Variants in DAB1 observed in about 807,000 individuals in gnomAD.
DAB1 encodes the protein DAB adaptor protein 1, also known as disabled homolog 1.
A neutral mutation model predicts 64.6 loss-of-function variants in DAB1; 15 were observed. The observed-to-expected ratio is 0.23, with a 90% CI of 0.16 to 0.36. The LOEUF (loss-of-function observed/expected upper bound fraction) is 0.36. Ranked by LOEUF, DAB1 falls within the 10% of genes least tolerant of loss-of-function variation. DAB1 has a pLI of 1.00. For missense variants in DAB1, 596 were observed against 706.7 expected (o/e 0.84, Z 1.78); for synonymous variants, 235 against 251.9 (o/e 0.93, Z 0.64).
chr1:58,384,193 AT>A (rs1644413778), intron 3 of DAB1, among the ~76,000 whole-genome samples: 1 of 152,136 alleles, frequency 6.6e-6, no homozygotes, highest in Non-Finnish European at 1.5e-5. Flanking sequence ...ACAATGGAAC[AT>A]TATTCAGCCT....
intron 4 of DAB1, among the ~76,000 whole-genome samples, chr1:58,313,442 G>C (rs1006517110): frequency 2.0e-5 from 3 of 152,092 alleles, no homozygotes; most frequent in Non-Finnish European, 4.4e-5. Context: ...AGGGATGGCA[G>C]AGAACCAATC....
At position 58,379,135 on chromosome 1, in the gene DAB1, G is replaced by A. The variant is rs544157290; in HGVS notation, n.258-35732C>T. Among the ~76,000 whole-genome samples the A allele has an allele frequency of 3.1e-3, 464 of 150,550 alleles. 1 individual carries two copies. Among genetic ancestry groups the A allele is most frequent in the African/African-American group, 0.011 (438 of 40,898 alleles). ...TCAGATGGAAATGCAGAAATCACCCGTCTTCTGCGTCGCTCACGCTGGGAG... is the reference window on the plus strand; with the variant it reads ...TCAGATGGAAATGCAGAAATCACCCATCTTCTGCGTCGCTCACGCTGGGAG... On this transcript the variant is annotated intron_variant and non_coding_transcript_variant, in intron 3 of 20. Transcript: ENST00000485760.
intron 5 of DAB1, among the ~76,000 whole-genome samples, chr1:58,128,593 T>C (rs1474240229): frequency 7.7e-6 from 1 of 130,342 alleles, no homozygotes; most frequent in African/African-American, 3.0e-5. Flanking sequence ...GGCTGTGGGT[T>C]TGTCATAGAT....
intron 4 of DAB1, among the ~76,000 whole-genome samples, chr1:57,098,021 C>A (rs1411891752): frequency 6.6e-6 from 1 of 152,136 alleles, no homozygotes; most frequent in African/African-American, 2.4e-5. Context: ...TTGTGATCTG[C>A]CCGCCTCAGC....
At chr1:58,535,245 A>G (rs1646497515) in intron 1 of DAB1, among the ~76,000 whole-genome samples, 1 of 152,184 alleles carries the variant, frequency 6.6e-6, no homozygotes, top group South Asian at 2.1e-4. Flanking sequence ...GTGTACTGAG[A>G]AAATTAAAAA....
intron 6 of DAB1, among the ~76,000 whole-genome samples, chr1:57,815,815 A>G (rs1651831671): frequency 6.6e-6 from 1 of 152,192 alleles, no homozygotes; most frequent in African/African-American, 2.4e-5. Context: ...ATATGTACAT[A>G]TCTCTAATTT....
At chr1:58,407,002 A>G (rs1320684398) in intron 3 of DAB1, among the ~76,000 whole-genome samples, 1 of 152,176 alleles carries the variant, frequency 6.6e-6, no homozygotes, top group African/African-American at 2.4e-5. Flanking sequence ...CATTGCCAGT[A>G]GCAGAGAAAT....
intron 7 of DAB1, among the ~76,000 whole-genome samples, chr1:57,487,437 G>T (rs1030170411): frequency 6.6e-6 from 1 of 152,200 alleles, no homozygotes; most frequent in Admixed American, 6.5e-5. Flanking sequence ...ACCACGTGTG[G>T]CCCTGCTCTT....
intron 5 of DAB1, among the ~76,000 whole-genome samples, chr1:57,969,354 A>T (rs77227400): frequency 0.013 from 2,020 of 152,136 alleles, 52 homozygotes; most frequent in African/African-American, 0.046. Flanking sequence ...TTATATATAT[A>T]TTTTTTGAGA....
At chr1:57,977,326 A>ATCCAGATC (rs1338195190) in intron 5 of DAB1, among the ~76,000 whole-genome samples, 1 of 152,182 alleles carries the variant, frequency 6.6e-6, no homozygotes, top group Non-Finnish European at 1.5e-5. Flanking sequence ...AAACAGAGAT[A>ATCCAGATC]TCCAGATCAC....
rs532624203 is a variant in DAB1 at position 57,157,404 on chromosome 1, G to A, written c.68-11975C>T. On this transcript the variant is annotated intron_variant, in intron 2 of 14. Coordinates refer to ENST00000371236, the MANE Select transcript of DAB1 (RefSeq NM_001365792.1). ...CCACTATAATAAAATACCATAGACT[G>A]CATGGCTTAAACAACAGACATTTAT... Among the ~76,000 whole-genome samples, 3 of 152,268 alleles carry A rather than the reference G, an allele frequency of 2.0e-5. No homozygotes were observed. In the East Asian group the frequency reaches 5.8e-4, roughly 29 times the overall value.
At chr1:57,206,611 G>A (rs1456416548) in intron 2 of DAB1, among the ~76,000 whole-genome samples, 2 of 152,084 alleles carry the variant, frequency 1.3e-5, no homozygotes, top group African/African-American at 4.8e-5. Flanking sequence ...TTCTCTCTTT[G>A]CTCAAAAACG....
intron 5 of DAB1, among the ~76,000 whole-genome samples, chr1:58,149,792 G>A (rs1019093845): frequency 6.6e-6 from 1 of 152,064 alleles, no homozygotes; most frequent in Non-Finnish European, 1.5e-5. Flanking sequence ...TATTTTTGCA[G>A]CCTTTCACTG....
intron 3 of DAB1, among the ~76,000 whole-genome samples, chr1:58,498,410 C>CTCT (rs1645841440): frequency 6.6e-6 from 1 of 152,014 alleles, no homozygotes; most frequent in African/African-American, 2.4e-5. Context: ...TTACTACCAC[C>CTCT]TCTATTTCCA....
chr1:57,849,610 C>T (rs1653432783), intron 1 of DAB1, among the ~76,000 whole-genome samples: 2 of 152,182 alleles, frequency 1.3e-5, no homozygotes, highest in Non-Finnish European at 2.9e-5. Flanking sequence ...TCTCTAGGGA[C>T]AGGGCTTGAG....
intron 2 of DAB1, among the ~76,000 whole-genome samples, chr1:57,281,235 T>C (rs1351112066): frequency 3.3e-5 from 5 of 152,090 alleles, no homozygotes; most frequent in Non-Finnish European, 5.9e-5. Context: ...CTTATTTAAA[T>C]AATGGAGAAA....
rs533106405 is a variant in DAB1, at chr1:57,206,359, T to C, written c.68-60930A>G. Among the ~76,000 whole-genome samples the C allele has an allele frequency of 3.3e-5, 5 of 152,298 alleles. No individual in the cohort carries two copies. In the South Asian group the frequency reaches 1.0e-3, roughly 32 times the overall value. On this transcript the variant is annotated intron_variant, in intron 2 of 14. Coordinates refer to ENST00000371236, the MANE Select transcript of DAB1 (RefSeq NM_001365792.1). Reference sequence around the variant, plus strand: ...GCACTTGGCAGTCAAAAGATTTGGGTTCTATTTCCAGCTCCACACAAATTC... The same window carrying C: ...GCACTTGGCAGTCAAAAGATTTGGGCTCTATTTCCAGCTCCACACAAATTC...
chr1:57,145,539 T>A, intron 2 of DAB1, 110 bp from the exon 3 acceptor site: 1 of 1,145,172 alleles, frequency 8.7e-7, no homozygotes, highest in Non-Finnish European at 1.3e-6. Flanking sequence ...TCCCGGAAAG[T>A]CAAATCACTG....
At chr1:57,978,484 A>G (rs973223780) in intron 5 of DAB1, among the ~76,000 whole-genome samples, 1 of 152,220 alleles carries the variant, frequency 6.6e-6, no homozygotes, top group Admixed American at 6.5e-5. Context: ...CCTGGGCAAT[A>G]CCATTGAGGA....
Sources: allele counts gnomAD v4.1 joint callset (sites outside exome capture counted in the v4.1 genomes callset), GRCh38; gene constraint gnomAD v4.1.1; transcripts MANE v1.5; gene names NCBI Gene and HGNC (gene_info 2026-07-23, HGNC 2026-07-21).